Variants in OPCML observed in about 807,000 individuals in gnomAD.
OPCML encodes the protein opioid-binding protein/cell adhesion molecule.
A neutral mutation model predicts 37.8 loss-of-function variants in OPCML; 13 were observed. The observed-to-expected ratio is 0.34, with a 90% CI of 0.22 to 0.55. OPCML has a LOEUF of 0.55. Ranked by LOEUF, OPCML falls within the 20% of genes least tolerant of loss-of-function variation. The pLI, the probability that OPCML is intolerant of heterozygous loss-of-function variation, is 0.91. For synonymous variants in OPCML, 176 were observed against 168.8 expected (o/e 1.04, Z -0.33); for missense variants, 341 against 435.6 (o/e 0.78, Z 1.93).
At chr11:132,647,972 A>G (rs1189895144) in intron 3 of OPCML, among the ~76,000 whole-genome samples, 1 of 152,350 alleles carries the variant, frequency 6.6e-6, no homozygotes, top group African/African-American at 2.4e-5. Flanking sequence ...AATAGGGACA[A>G]CAGTTACTTT....
At chr11:132,920,366 G>C (rs1214158652) in intron 2 of OPCML, among the ~76,000 whole-genome samples, 5 of 152,182 alleles carry the variant, frequency 3.3e-5, no homozygotes, top group African/African-American at 1.2e-4. Flanking sequence ...CCTTCCTCAG[G>C]CTCCTCATCT....
In OPCML at chr11:133,477,695, C is replaced by G. The variant is rs1326642142; in HGVS notation, c.61+54569G>C. ...AACCAGCCGCATGTCCATCACGGGCCAGGCATTCCTTAGTTTGGGAAGATC... is the reference window on the plus strand; with the variant it reads ...AACCAGCCGCATGTCCATCACGGGCGAGGCATTCCTTAGTTTGGGAAGATC... On this transcript the variant is annotated intron_variant, in intron 1 of 7. Transcript: ENST00000524381. Among the ~76,000 whole-genome samples, 4 of 152,208 alleles carry G rather than the reference C, an allele frequency of 2.6e-5. No individual in the cohort carries two copies. In the East Asian group the frequency reaches 5.8e-4, roughly 22 times the overall value.
At chr11:133,195,646 T>C (rs564801441) in intron 1 of OPCML, among the ~76,000 whole-genome samples, 1 of 152,314 alleles carries the variant, frequency 6.6e-6, no homozygotes, top group African/African-American at 2.4e-5. Context: ...GGATTAAAAG[T>C]TATCATGGAA....
chr11:132,470,452 G>C (rs1225646221), intron 4 of OPCML, among the ~76,000 whole-genome samples: 1 of 152,172 alleles, frequency 6.6e-6, no homozygotes, highest in African/African-American at 2.4e-5. Flanking sequence ...ACTATGTAAG[G>C]TTCACAGGAA....
At position 133,287,169 on chromosome 11, in the gene OPCML, G is replaced by C. The variant is rs1592168663; in HGVS notation, c.61+245095C>G. Among the ~76,000 whole-genome samples, 3 of 151,002 alleles carry C rather than the reference G, an allele frequency of 2.0e-5. No individual in the cohort carries two copies. The South Asian group carries it at 6.3e-4, about 32-fold the overall frequency. ...TACATATAATTTTAAGTGTTCTAGA[G>C]GTCACATTTTAAAAAGCAAAAAAGA... On this transcript the variant is annotated intron_variant, in intron 1 of 7. Transcript: ENST00000524381.
rs561864700 is a variant in OPCML at position 133,208,080 on chromosome 11, A to ATT, written c.62-265072_62-265071dup. Among the ~76,000 whole-genome samples the ATT allele has an allele frequency of 7.9e-5, 12 of 152,044 alleles. No homozygotes were observed. Among genetic ancestry groups the ATT allele is most frequent in the African/African-American group, 2.9e-4 (12 of 41,388 alleles). On this transcript the variant is annotated intron_variant, in intron 1 of 7. Transcript: ENST00000524381. This position sits in a 1 kb window ranked among gnomAD's most constrained non-coding sequence, Gnocchi z 8.9. ...CCTTACTCTGAGCTCCCATAGCATT[A>ATT]TTTTTTTCTCTCTTCAGAGCATCTA...
chr11:133,368,377 A>C (rs1944599026), intron 1 of OPCML, among the ~76,000 whole-genome samples: 1 of 152,122 alleles, frequency 6.6e-6, no homozygotes, highest in African/African-American at 2.4e-5. Flanking sequence ...GGACCACAGC[A>C]GAGGAGAAGA....
chr11:132,764,247 G>A (rs1207962155), intron 2 of OPCML, among the ~76,000 whole-genome samples: 3 of 152,212 alleles, frequency 2.0e-5, no homozygotes, highest in African/African-American at 7.2e-5. Flanking sequence ...TGGCCAGAAA[G>A]TGGAAGTATA....
At chr11:133,366,985 C>CTTTTTTT (rs1005265342) in intron 1 of OPCML, among the ~76,000 whole-genome samples, 1 of 151,256 alleles carries the variant, frequency 6.6e-6, no homozygotes, top group African/African-American at 2.4e-5. Flanking sequence ...AATGCACTTT[C>CTTTTTTT]TTTTTTTTTG....
At chr11:133,479,075 T>C (rs1016689920) in intron 1 of OPCML, among the ~76,000 whole-genome samples, 5 of 152,208 alleles carry the variant, frequency 3.3e-5, no homozygotes, top group Non-Finnish European at 7.3e-5. Context: ...ATACGTAAAA[T>C]GACTTATGTA....
chr11:132,749,703 C>A (rs1945765728), intron 2 of OPCML, among the ~76,000 whole-genome samples: 1 of 152,016 alleles, frequency 6.6e-6, no homozygotes, highest in Non-Finnish European at 1.5e-5. Flanking sequence ...CAGAACTGAG[C>A]TCTGAGAAAT....
intron 2 of OPCML, 109 bp downstream of exon 2, chr11:132,942,817 A>G: frequency 7.0e-7 from 1 of 1,431,698 alleles, no homozygotes; most frequent in Non-Finnish European, 9.6e-7. Flanking sequence ...GGCCTGCACA[A>G]GGCCCACTCG....
chr11:132,878,842 T>G (rs1345387435), intron 2 of OPCML, among the ~76,000 whole-genome samples: 1 of 152,172 alleles, frequency 6.6e-6, no homozygotes, highest in East Asian at 1.9e-4. Flanking sequence ...GTTGAAGCAT[T>G]CTCTGCAGAT....
intron 4 of OPCML, among the ~76,000 whole-genome samples, chr11:132,485,145 A>G (rs886328615): frequency 3.3e-5 from 5 of 152,134 alleles, no homozygotes; most frequent in African/African-American, 1.2e-4. Context: ...AGCTGTCCAA[A>G]CTGACCTAAG....
At position 132,482,523 on chromosome 11, in the gene OPCML, T is replaced by C. The variant is rs2096184588; in HGVS notation, c.506-45164A>G. On this transcript the variant is annotated intron_variant, in intron 4 of 7. Coordinates refer to ENST00000524381, the MANE Select transcript of OPCML (RefSeq NM_001012393.5). ...GGAACTGGTACCATTCCTTCTGAAA[T>C]TATTCTAATCAATAGAAAAAGAGGG... is the stretch of plus-strand genomic sequence containing the variant. Among the ~76,000 whole-genome samples the C allele has an allele frequency of 2.0e-5, 3 of 152,282 alleles. No homozygotes were observed. The East Asian group carries it at 5.8e-4, about 29-fold the overall frequency.
chr11:132,475,656 C>A (rs545994008), intron 4 of OPCML, among the ~76,000 whole-genome samples: 1 of 151,974 alleles, frequency 6.6e-6, no homozygotes, highest in Admixed American at 6.6e-5. Flanking sequence ...GGCCTGCATG[C>A]GCCTTGCACT....
intron 7 of OPCML, 193 bp from the exon 8 acceptor site, chr11:132,420,486 C>A: frequency 3.1e-6 from 2 of 641,110 alleles, no homozygotes; most frequent in Non-Finnish European, 3.9e-6. Flanking sequence ...ATGCCTTGAC[C>A]AATGCAGCCT....
At chr11:132,435,922 T>C (rs544456810) in intron 7 of OPCML, among the ~76,000 whole-genome samples, 164 bp downstream of exon 7, 42 of 152,312 alleles carry the variant, frequency 2.8e-4, no homozygotes, top group African/African-American at 1.0e-3. Context: ...TATCTCTGCA[T>C]GGCATGCTAG....
intron 2 of OPCML, among the ~76,000 whole-genome samples, chr11:132,832,101 G>T (rs998284616): frequency 4.6e-5 from 7 of 151,968 alleles, no homozygotes; most frequent in Admixed American, 2.0e-4. Context: ...TTGAACCACA[G>T]CCTTCTACCT....
Sources: allele counts gnomAD v4.1 joint callset (sites outside exome capture counted in the v4.1 genomes callset), GRCh38; gene constraint gnomAD v4.1.1; non-coding constraint Gnocchi (gnomAD v3.1); transcripts MANE v1.5; gene names NCBI Gene and HGNC (gene_info 2026-07-23, HGNC 2026-07-21).